The following ZNF302 variants were observed in gnomAD, a reference collection of about 807,000 sequenced individuals.
ZNF302 encodes the protein zinc finger protein 302, also known as zinc finger protein 327.
In ZNF302, 12 loss-of-function variants were observed where a neutral mutation model predicts 10.8. That is an observed-to-expected ratio of 1.11 (90% CI 0.71 to 1.79). ZNF302 has a LOEUF of 1.79. ZNF302 is among the 40% of genes most tolerant of loss of function. ZNF302 has a pLI of 0.00. For missense variants in ZNF302, 461 were observed against 471.1 expected (o/e 0.98, Z 0.20); for synonymous variants, 178 against 157.5 (o/e 1.13, Z -0.98).
At position 34,684,352 on chromosome 19, in the gene ZNF302, A is replaced by G. The variant is rs1294460785; in HGVS notation, c.315A>G (p.Gln105=). The G allele has an allele frequency of 1.2e-6, 2 of 1,601,456 alleles. No homozygotes were observed. The highest frequency in any genetic ancestry group is 2.2e-5 in the East Asian group (1 of 44,722). The change falls in exon 5 of 5, where the codon CAA becomes CAG. Residue 105 remains glutamine (Q), a synonymous_variant. Coordinates refer to ENST00000505242, the MANE Select transcript of ZNF302 (RefSeq NM_001289187.2). ...QPVTMEKVVK[Q]SYEFSNSNKN... ...TAACAATGGAAAAAGTTGTAAAACA[A>G]AGTTATGAATTTTCAAATTCTAATA...
intron 4 of ZNF302, 199 bp from the exon 5 acceptor site, chr19:34,684,053 A>G (rs772004769): frequency 8.3e-5 from 126 of 1,519,764 alleles, no homozygotes; most frequent in East Asian, 1.2e-4. Context: ...TCTCTGCTCT[A>G]TTTGAGCATT....
At chr19:34,678,949 G>C in intron 2 of ZNF302, 136 bp downstream of exon 2, 1 of 1,031,868 alleles carries the variant, frequency 9.7e-7, no homozygotes, top group Non-Finnish European at 1.5e-6. Flanking sequence ...ACTATAGGAA[G>C]AATGGAGCCC....
chr19:34,684,622 T>G lies in ZNF302; in HGVS notation c.585T>G (p.Cys195Trp). Residue 195 changes from cysteine to tryptophan, a missense_variant, in exon 5 of 5, where the codon TGT becomes TGG. Cys to Trp is a radical substitution (Grantham distance 215). Coordinates refer to ENST00000505242, the MANE Select transcript of ZNF302 (RefSeq NM_001289187.2). ...AATCTCTTACCCTTCCCCAGACTTG[T>G]AATAGAGAGAAAATCTATACATGCA... ...QSKSLTLPQTCNREKIYTCSE... is the reference protein window; with the variant it reads ...QSKSLTLPQTWNREKIYTCSE... The G allele has an allele frequency of 1.9e-6, 3 of 1,614,104 alleles. No homozygotes were observed. The highest frequency in any genetic ancestry group is 2.5e-6 in the Non-Finnish European group (3 of 1,179,956).
At chr19:34,679,187 C>G (rs1280721049) in intron 2 of ZNF302, among the ~76,000 whole-genome samples, 2 of 152,194 alleles carry the variant, frequency 1.3e-5, no homozygotes, top group Admixed American at 1.3e-4. Context: ...AACTCATATT[C>G]AGGTCCTCTA....
chr19:34,678,708 T>C, intron 1 of ZNF302, 29 bp from the exon 2 acceptor site: 1 of 1,459,518 alleles, frequency 6.9e-7, no homozygotes, highest in South Asian at 1.2e-5. Context: ...TTTTCATGAC[T>C]GCTTTTTCCT....
chr19:34,680,790 A>G (rs909554685), intron 2 of ZNF302, among the ~76,000 whole-genome samples: 2 of 152,258 alleles, frequency 1.3e-5, no homozygotes, highest in Admixed American at 1.3e-4. Flanking sequence ...GTGAATTTAG[A>G]AGAAATTTTG....
chr19:34,678,923 A>G (rs1409073905), intron 2 of ZNF302, 110 bp downstream of exon 2: 21 of 1,313,842 alleles, frequency 1.6e-5, no homozygotes, highest in Non-Finnish European at 2.3e-5. Context: ...AAGGGACTAG[A>G]TCTATGGTTC....
chr19:34,676,104 C>T (rs2067935680), upstream of ZNF302: 1 of 152,232 alleles, frequency 6.6e-6, no homozygotes, highest in African/African-American at 2.4e-5. Flanking sequence ...GCTGATTTGT[C>T]CATTTTACAG....
In ZNF302 at chr19:34,685,168, C is replaced by T. The variant is rs2068599152; in HGVS notation, c.1131C>T (p.Val377=). Residue 377 remains valine (V), a synonymous_variant, in exon 5 of 5, where the codon GTC becomes GTT. Coordinates refer to ENST00000505242, the MANE Select transcript of ZNF302 (RefSeq NM_001289187.2). ...KKYECNKCLK[V]FSSFSFLVQH... ...ATGAATGCAACAAATGTCTCAAGGT[C>T]TTTAGTAGCTTCTCATTTCTTGTTC... 6.2e-7 allele frequency: 1 copy of T among 1,606,518 alleles called. No homozygotes were observed. The highest frequency in any genetic ancestry group is 1.1e-5 in the South Asian group (1 of 89,642).
rs763548605 is a variant in ZNF302 at position 34,684,529 on chromosome 19, TGA to T, written c.497_498del (p.Arg166AsnfsTer11). ...TATCAAAAAAGTCAGTTATAAAAAGTGAGAGAATAAATGGTGGAAAGAAACTT... is the reference window on the plus strand; with the variant it reads ...TATCAAAAAAGTCAGTTATAAAAAGTGAGAATAAATGGTGGAAAGAAACTT... The part of the protein sequence containing the change: ...NLSKKSVIKS[E>X]RINGGKKLLN... On this transcript the variant is annotated frameshift_variant, in exon 5 of 5. Transcript: ENST00000505242. LOFTEE classifies it low-confidence loss of function (END_TRUNC). 2.5e-6 allele frequency: 4 copies of T among 1,612,938 alleles called. No homozygotes were observed. The Admixed American group carries it at 6.7e-5, about 27-fold the overall frequency.
rs768559999 is a variant in ZNF302 at position 34,683,199 on chromosome 19, G to A, written c.175G>A (p.Gly59Arg). The change falls in exon 4 of 5, where the codon GGA becomes AGA. Residue 59 changes from glycine to arginine, a missense_variant. Physicochemically the swap from Gly to Arg is moderately radical, Grantham distance 125 (BLOSUM62 -2). Coordinates refer to ENST00000505242, the MANE Select transcript of ZNF302 (RefSeq NM_001289187.2). ...ATATGTGATCATGTTATTGGAGGAT[G>A]GAAAAGAGCCCTGGATGATGGAGAA... The part of the protein sequence containing the change: ...KPYVIMLLED[G>R]KEPWMMEKKL... 22 of 1,614,084 alleles carry A rather than the reference G, an allele frequency of 1.4e-5. No homozygotes were observed. In the South Asian group the frequency reaches 2.4e-4, roughly 18 times the overall value.
chr19:34,679,195 C>G (rs1381577739), intron 2 of ZNF302, among the ~76,000 whole-genome samples: 2 of 152,312 alleles, frequency 1.3e-5, no homozygotes, highest in East Asian at 3.9e-4. Flanking sequence ...TTCAGGTCCT[C>G]TAGTTTGGAT....
At chr19:34,683,335 A>C (rs2068460037) in intron 4 of ZNF302, 97 bp downstream of exon 4, 1 of 1,386,868 alleles carries the variant, frequency 7.2e-7, no homozygotes, top group Non-Finnish European at 1.0e-6. Context: ...TACTGTCTTC[A>C]AAGATCTCAG....
chr19:34,684,334 G>A lies in ZNF302; in HGVS notation c.297G>A (p.Met99Ile). The A allele has an allele frequency of 6.3e-7, 1 of 1,598,062 alleles. No homozygotes were observed. Among genetic ancestry groups the A allele is most frequent in the Non-Finnish European group, 8.5e-7 (1 of 1,174,618 alleles). Residue 99 changes from methionine to isoleucine, a missense_variant, in exon 5 of 5, where the codon ATG becomes ATA. By Grantham distance (10) the Met-to-Ile change is conservative (BLOSUM62 1). Transcript: ENST00000505242. ...AAGATTCACCCCAACCAGTAACAATGGAAAAAGTTGTAAAACAAAGTTATG... is the reference window on the plus strand; with the variant it reads ...AAGATTCACCCCAACCAGTAACAATAGAAAAAGTTGTAAAACAAAGTTATG... ...YDEDSPQPVT[M>I]EKVVKQSYEF... is the part of the protein sequence containing the mutation.
intron 2 of ZNF302, among the ~76,000 whole-genome samples, chr19:34,680,991 T>C (rs1421083195): frequency 6.6e-6 from 1 of 151,788 alleles, no homozygotes; most frequent in Non-Finnish European, 1.5e-5. Context: ...AACTGCTTTC[T>C]TTTTTTTTCT....
intron 4 of ZNF302, 48 bp from the exon 5 acceptor site, chr19:34,684,204 A>ATGC: frequency 1.3e-6 from 1 of 777,220 alleles, no homozygotes; most frequent in Non-Finnish European, 1.8e-6. Flanking sequence ...AAAAAAAAAA[A>ATGC]AAAAAAAAAA....
intron 2 of ZNF302, among the ~76,000 whole-genome samples, chr19:34,680,176 C>A (rs1381035629): frequency 2.6e-5 from 4 of 152,118 alleles, no homozygotes; most frequent in African/African-American, 9.7e-5. Context: ...GAACCTGCCT[C>A]TTGAAAGAAA....
intron 2 of ZNF302, among the ~76,000 whole-genome samples, chr19:34,681,032 A>G (rs2068313469): frequency 6.6e-6 from 1 of 152,054 alleles, no homozygotes; most frequent in Non-Finnish European, 1.5e-5. Flanking sequence ...CTGCCATTGG[A>G]AGGCGATTCG....
In ZNF302 at chr19:34,678,750, T is replaced by TC; in HGVS notation, c.-54dup. 6.2e-7 allele frequency: 1 copy of TC among 1,612,066 alleles called. No homozygotes were observed. The highest frequency in any genetic ancestry group is 8.5e-7 in the Non-Finnish European group (1 of 1,178,328). The stretch of plus-strand genomic sequence containing the variant: ...CTGTGCCCTCAGGACACTGCCCATC[T>TC]CTAAGATAAGAACCTGGAAAGGGGA... On this transcript the variant is annotated 5_prime_UTR_variant, in exon 2 of 5. It removes the in-frame stop codon of an upstream open reading frame in the 5' UTR. Transcript: ENST00000505242.
Sources: gnomAD v4.1 joint callset for allele counts (sites outside exome capture counted in the v4.1 genomes callset) on GRCh38, gnomAD v4.1.1 for gene constraint, MANE v1.5 for transcripts, NCBI Gene and HGNC (gene_info 2026-07-23, HGNC 2026-07-21) for gene names.